Variants in RAB2A observed in about 807,000 individuals in gnomAD.
RAB2A encodes the protein ras-related protein Rab-2A.
In RAB2A, 7 loss-of-function variants were observed where a neutral mutation model predicts 32.5. That is an observed-to-expected ratio of 0.22 (90% confidence interval 0.12 to 0.40). RAB2A has a LOEUF of 0.40. RAB2A is among the 10% of genes least tolerant of loss of function. RAB2A has a pLI of 1.00. For missense variants in RAB2A, 108 were observed against 260.7 expected (o/e 0.41, Z 4.03); for synonymous variants, 79 against 85.2 (o/e 0.93, Z 0.40).
At chr8:60,612,869 G>A (rs759690876) in intron 6 of RAB2A, among the ~76,000 whole-genome samples, 1 of 152,172 alleles carries the variant, frequency 6.6e-6, no homozygotes, top group Non-Finnish European at 1.5e-5. Flanking sequence ...CCTCCACAGG[G>A]CTGTCCCTAC....
At chr8:60,540,233 G>C (rs671249) in intron 1 of RAB2A, among the ~76,000 whole-genome samples, 1 of 150,810 alleles carries the variant, frequency 6.6e-6, no homozygotes, top group Non-Finnish European at 1.5e-5. Context: ...GTCATACGTA[G>C]AATAGATTAG....
At chr8:60,575,328 C>T (rs1440504241) in intron 3 of RAB2A, among the ~76,000 whole-genome samples, 1 of 151,970 alleles carries the variant, frequency 6.6e-6, no homozygotes, top group African/African-American at 2.4e-5. Context: ...AGGCTTTTCT[C>T]TTATTTTCAT....
At chr8:60,535,400 G>A (rs569321816) in intron 1 of RAB2A, among the ~76,000 whole-genome samples, 3 of 152,118 alleles carry the variant, frequency 2.0e-5, no homozygotes, top group Admixed American at 2.0e-4. Flanking sequence ...CTATAAGCCT[G>A]TGTGTGTGTA....
intron 5 of RAB2A, among the ~76,000 whole-genome samples, chr8:60,588,868 A>G (rs1803889415): frequency 6.6e-6 from 1 of 152,344 alleles, no homozygotes; most frequent in East Asian, 1.9e-4. Flanking sequence ...TTTAATAGAA[A>G]TTGAGATTTG....
At chr8:60,598,101 G>T (rs893633797) in intron 6 of RAB2A, among the ~76,000 whole-genome samples, 1 of 152,192 alleles carries the variant, frequency 6.6e-6, no homozygotes, top group Non-Finnish European at 1.5e-5. Context: ...GGGAGGCTAA[G>T]GCAGGAAAAT....
intron 1 of RAB2A, 28 bp from the exon 2 acceptor site, chr8:60,558,822 GTC>G (rs766459078): frequency 1.9e-6 from 3 of 1,559,658 alleles, no homozygotes; most frequent in Non-Finnish European, 2.7e-6. Flanking sequence ...TGTGAATTTT[GTC>G]TCTTATTTAT....
chr8:60,523,005 AAAC>A (rs1276604649), intron 1 of RAB2A, among the ~76,000 whole-genome samples: 2 of 152,184 alleles, frequency 1.3e-5, no homozygotes, highest in East Asian at 3.8e-4. Context: ...TACCTTCAAA[AAAC>A]AACCTGGGAA....
At chr8:60,546,420 C>T (rs1221576324) in intron 1 of RAB2A, among the ~76,000 whole-genome samples, 1 of 152,100 alleles carries the variant, frequency 6.6e-6, no homozygotes, top group Non-Finnish European at 1.5e-5. Flanking sequence ...CATGGAGAAG[C>T]AGGTAATAAA....
At chr8:60,545,797 G>T (rs990706291) in intron 1 of RAB2A, among the ~76,000 whole-genome samples, 5 of 152,252 alleles carry the variant, frequency 3.3e-5, no homozygotes, top group Admixed American at 3.3e-4. Flanking sequence ...GTATATCCAA[G>T]ATATCCACAC....
intron 2 of RAB2A, among the ~76,000 whole-genome samples, chr8:60,561,403 G>A (rs769830982): frequency 2.0e-5 from 3 of 152,166 alleles, no homozygotes; most frequent in Non-Finnish European, 4.4e-5. Flanking sequence ...ATATTTAGGT[G>A]TGTCTCAACG....
intron 5 of RAB2A, among the ~76,000 whole-genome samples, chr8:60,587,731 A>T: frequency 6.6e-6 from 1 of 152,140 alleles, no homozygotes; most frequent in East Asian, 1.9e-4. Flanking sequence ...TATGTTGTAC[A>T]TGATAAATAT....
In RAB2A at chr8:60,559,698, C is replaced by A. The variant is rs144700509; in HGVS notation, c.118+775C>A. Among the ~76,000 whole-genome samples, 243 of 152,254 alleles carry A rather than the reference C, an allele frequency of 1.6e-3. 1 individual carries two copies. Among genetic ancestry groups the A allele is most frequent in the African/African-American group, 5.6e-3 (231 of 41,540 alleles). On this transcript the variant is annotated intron_variant, in intron 2 of 7. Coordinates refer to ENST00000262646, the MANE Select transcript of RAB2A (RefSeq NM_002865.3). ...CTGGATTATTCTTCTGTGGCTGTAG[C>A]CCATTAACAACTAGAAATTAGTCAA...
rs757293335 is a variant in RAB2A at position 60,620,781 on chromosome 8, C to T, written c.*12C>T. 1.2e-6 allele frequency: 2 copies of T among 1,608,142 alleles called. No homozygotes were observed. Among genetic ancestry groups the T allele is most frequent in the South Asian group, 1.1e-5 (1 of 90,210 alleles). On this transcript the variant is annotated 3_prime_UTR_variant, in exon 8 of 8. Transcript: ENST00000262646. ...GCGGCTGCTGTTGAGTCTGTTTTTA[C>T]TGTCTAGCTGCCCAACGGGGCCTAC...
intron 1 of RAB2A, among the ~76,000 whole-genome samples, chr8:60,537,741 G>T (rs1293966860): frequency 2.0e-5 from 3 of 151,896 alleles, no homozygotes; most frequent in Non-Finnish European, 4.4e-5. Flanking sequence ...TGCCCAGTGG[G>T]AGTGCAGTGG....
intron 6 of RAB2A, among the ~76,000 whole-genome samples, chr8:60,606,517 C>T (rs1804234541): frequency 6.6e-6 from 1 of 152,190 alleles, no homozygotes; most frequent in African/African-American, 2.4e-5. Context: ...CCCAAGACAA[C>T]ACTTTGAAGT....
rs1807222052 is a variant in RAB2A, at chr8:60,517,343, G to A, written c.46+90G>A. 8 of 1,212,812 alleles carry A rather than the reference G, an allele frequency of 6.6e-6. No individual in the cohort carries two copies. The South Asian group carries it at 1.3e-4, about 20-fold the overall frequency. 75.1% of individuals were successfully genotyped at this position (1,212,812 alleles called of 1,614,324 possible). On this transcript the variant is annotated intron_variant, in intron 1 of 7. Coordinates refer to ENST00000262646, the MANE Select transcript of RAB2A (RefSeq NM_002865.3). The stretch of plus-strand genomic sequence containing the variant: ...GGCGTCTGGCGGTGGCGGGGACGCG[G>A]ACTCCACCCGGCGCCTCCCTCCTGG...
At chr8:60,536,447 T>C (rs1807556937) in intron 1 of RAB2A, among the ~76,000 whole-genome samples, 1 of 152,234 alleles carries the variant, frequency 6.6e-6, no homozygotes, top group South Asian at 2.1e-4. Context: ...CAGTTTGATA[T>C]ATACTATCAT....
intron 3 of RAB2A, among the ~76,000 whole-genome samples, chr8:60,576,524 TATATC>T (rs1803636680): frequency 6.6e-6 from 1 of 152,234 alleles, no homozygotes; most frequent in African/African-American, 2.4e-5. Flanking sequence ...TTACATGTCT[TATATC>T]AAGTAAGTCA....
At chr8:60,590,544 T>A (rs969141004) in intron 5 of RAB2A, among the ~76,000 whole-genome samples, 4 of 146,480 alleles carry the variant, frequency 2.7e-5, no homozygotes, top group Non-Finnish European at 4.5e-5. Flanking sequence ...TATATATATT[T>A]TATATATATA....
Sources: allele counts gnomAD v4.1 joint callset (sites outside exome capture counted in the v4.1 genomes callset), GRCh38; gene constraint gnomAD v4.1.1; transcripts MANE v1.5; gene names NCBI Gene and HGNC (gene_info 2026-07-23, HGNC 2026-07-21).